PCDHGB6: variants seen among roughly 807,000 people sequenced by gnomAD.
The protein encoded by PCDHGB6 is protocadherin gamma subfamily B, 6.
In PCDHGB6, 51 loss-of-function variants were observed where a neutral mutation model predicts 59.1. The ratio of observed to expected loss-of-function variants is 0.86; its 90% CI spans 0.69 to 1.09. The LOEUF (loss-of-function observed/expected upper bound fraction) is 1.09. PCDHGB6 is among the 50% of genes least tolerant of loss of function. The probability of loss-of-function intolerance (pLI) is 0.00; values close to 1 mark genes in which losing one functional copy is unlikely to be tolerated. For synonymous variants in PCDHGB6, 466 were observed against 495.1 expected (o/e 0.94, Z 0.78); for missense variants, 1,148 against 1,205.1 (o/e 0.95, Z 0.70).
rs2099394923 is a variant in PCDHGB6 at position 141,476,611 on chromosome 5, A to G, written c.2419-18196A>G. On this transcript the variant is annotated intron_variant, in intron 1 of 3. Coordinates refer to ENST00000520790, the MANE Select transcript of PCDHGB6 (RefSeq NM_018926.3). The surrounding 1 kb of genome is among the most constrained non-coding windows in gnomAD (Gnocchi z 7.6). ...AGAGCGCGCACGATCCCGATGTGGG[A>G]AGCAACTCTTTACAAACCTATGAGC... 6.2e-7 allele frequency: 1 copy of G among 1,614,092 alleles called. No individual in the cohort carries two copies. Among genetic ancestry groups the G allele is most frequent in the Non-Finnish European group, 8.5e-7 (1 of 1,180,042 alleles).
rs368153419 is a variant in PCDHGB6 at position 141,476,458 on chromosome 5, C to T, written c.2419-18349C>T. 1 of 1,614,044 alleles carries T rather than the reference C, an allele frequency of 6.2e-7. No homozygotes were observed. Among genetic ancestry groups the T allele is most frequent in the Non-Finnish European group, 8.5e-7 (1 of 1,180,014 alleles). On this transcript the variant is annotated intron_variant, in intron 1 of 3. Coordinates refer to ENST00000520790, the MANE Select transcript of PCDHGB6 (RefSeq NM_018926.3). The surrounding 1 kb of genome is among the most constrained non-coding windows in gnomAD (Gnocchi z 7.6). ...TAACTCTGGAGTTGGTAGTGGAGAA[C>T]CCGCTGGAGCTGTTCAGCGTGGAAG...
chr5:141,430,830 G>C, intron 1 of PCDHGB6: 1 of 1,554,968 alleles, frequency 6.4e-7, no homozygotes, highest in Non-Finnish European at 8.7e-7. Context: ...GGGACTCTGT[G>C]GGAGACCGGA....
intron 1 of PCDHGB6, among the ~76,000 whole-genome samples, chr5:141,448,975 T>C (rs888432093): frequency 6.6e-6 from 1 of 151,970 alleles, no homozygotes; most frequent in African/African-American, 2.4e-5. Flanking sequence ...AAAAAAGAAC[T>C]TCCATATTAA....
Position 141,487,333 on chromosome 5 carries a change from C to T in PCDHGB6, c.2419-7474C>T. 6.2e-7 allele frequency: 1 copy of T among 1,614,176 alleles called. No homozygotes were observed. The highest frequency in any genetic ancestry group is 8.5e-7 in the Non-Finnish European group (1 of 1,180,022). On this transcript the variant is annotated intron_variant, in intron 1 of 3. Transcript: ENST00000520790. The surrounding 1 kb of genome is among the most constrained non-coding windows in gnomAD (Gnocchi z 5.0). ...TCTCTAAGTGTCTTCGTGGGGCAGC[C>T]TGTGGAGTCACATGCTTTCCTGCTG...
chr5:141,431,867 A>C lies in PCDHGB6; in HGVS notation c.2418+21247A>C. On this transcript the variant is annotated intron_variant, in intron 1 of 3. Transcript: ENST00000520790. The surrounding 1 kb of genome is among the most constrained non-coding windows in gnomAD (Gnocchi z 4.8). ...CAGAGGGACATTAATTGCCCTTTTA[A>C]ATGTAAATGACCAAGATTCTGAGGA... 6.2e-7 allele frequency: 1 copy of C among 1,614,226 alleles called. No individual in the cohort carries two copies. Among genetic ancestry groups the C allele is most frequent in the Non-Finnish European group, 8.5e-7 (1 of 1,180,024 alleles).
intron 1 of PCDHGB6, among the ~76,000 whole-genome samples, chr5:141,467,359 A>G (rs997614051): frequency 1.3e-5 from 2 of 151,714 alleles, no homozygotes; most frequent in African/African-American, 4.8e-5. Context: ...GGCCAAATCA[A>G]CGTTTTCTTA....
Position 141,416,159 on chromosome 5 carries a change from T to C in PCDHGB6, c.2418+5539T>C, listed in dbSNP as rs116406525. ...CTATACTTTGTGGTGATAGTTGCAG[T>C]TGAATATACTAAGTTTTTCATTAAT... On this transcript the variant is annotated intron_variant, in intron 1 of 3. Transcript: ENST00000520790. 1,471 of 153,024 alleles carry C rather than the reference T, an allele frequency of 9.6e-3. 10 individuals carry two copies. Among genetic ancestry groups the C allele is most frequent in the Non-Finnish European group, 0.015 (1,026 of 68,518 alleles). 9.5% of individuals were successfully genotyped at this position (153,024 alleles called of 1,614,324 possible).
rs752629281 is a variant in PCDHGB6, at chr5:141,408,968, C to T, written c.766C>T (p.Pro256Ser). The T allele has an allele frequency of 6.2e-7, 1 of 1,613,702 alleles. No individual in the cohort carries two copies. The highest frequency in any genetic ancestry group is 8.5e-7 in the Non-Finnish European group (1 of 1,179,802). The change falls in exon 1 of 4, where the codon CCC becomes TCC. Residue 256 changes from proline to serine, a missense_variant. Pro to Ser is a moderately conservative substitution (Grantham distance 74, BLOSUM62 -1). Coordinates refer to ENST00000520790, the MANE Select transcript of PCDHGB6 (RefSeq NM_018926.3). ...EYRISLSENL[P>S]PGSPVLQVTA... is the part of the protein sequence containing the mutation. ...TAGAATTAGTCTTAGTGAAAATCTGCCCCCTGGGTCCCCTGTGTTGCAAGT... is the reference window on the plus strand; with the variant it reads ...TAGAATTAGTCTTAGTGAAAATCTGTCCCCTGGGTCCCCTGTGTTGCAAGT...
chr5:141,474,628 A>C (rs1169097645), intron 1 of PCDHGB6, among the ~76,000 whole-genome samples: 1 of 152,234 alleles, frequency 6.6e-6, no homozygotes, highest in Non-Finnish European at 1.5e-5. Flanking sequence ...TCTCTTCCGG[A>C]AATATCCTAT....
In PCDHGB6 at chr5:141,432,218, A is replaced by T. The variant is rs570925415; in HGVS notation, c.2418+21598A>T. On this transcript the variant is annotated intron_variant, in intron 1 of 3. Transcript: ENST00000520790. This position sits in a 1 kb window ranked among gnomAD's most constrained non-coding sequence, Gnocchi z 6.0. Reference sequence around the variant, plus strand: ...CCCCGACTGTGAAGAGAACGCCCAGATCACTTATTCCCTGGCTGAGAACAC... The same window carrying T: ...CCCCGACTGTGAAGAGAACGCCCAGTTCACTTATTCCCTGGCTGAGAACAC... The T allele has an allele frequency of 6.2e-7, 1 of 1,614,148 alleles. No homozygotes were observed. The highest frequency in any genetic ancestry group is 1.3e-5 in the African/African-American group (1 of 75,030).
intron 1 of PCDHGB6, chr5:141,415,156 A>T: frequency 6.2e-7 from 1 of 1,613,798 alleles, no homozygotes. Flanking sequence ...TCTCTCCGCC[A>T]CTGTCACGCT....
intron 1 of PCDHGB6, chr5:141,478,188 C>T (rs770414950): frequency 4.3e-6 from 7 of 1,613,920 alleles, no homozygotes; most frequent in Non-Finnish European, 5.9e-6. Flanking sequence ...AAAAATCTCA[C>T]CTTTTATCTA....
In PCDHGB6 at chr5:141,491,832, C is replaced by A; in HGVS notation, c.2419-2975C>A. On this transcript the variant is annotated intron_variant, in intron 1 of 3. Coordinates refer to ENST00000520790, the MANE Select transcript of PCDHGB6 (RefSeq NM_018926.3). The surrounding 1 kb of genome is among the most constrained non-coding windows in gnomAD (Gnocchi z 6.9). ...GTCGCTGGCTGCGCTCCACCCGATT[C>A]TCGGGATCATTGGACCGTTTGCGCG... 6.8e-7 allele frequency: 1 copy of A among 1,474,424 alleles called. No individual in the cohort carries two copies. 91.3% of individuals were successfully genotyped at this position (1,474,424 alleles called of 1,614,324 possible).
Position 141,493,858 on chromosome 5 carries a change from C to A in PCDHGB6, c.2419-949C>A, listed in dbSNP as rs2099750481. Among the ~76,000 whole-genome samples, 1 of 152,184 alleles carries A rather than the reference C, an allele frequency of 6.6e-6. No homozygotes were observed. The highest frequency in any genetic ancestry group is 1.5e-5 in the Non-Finnish European group (1 of 68,030). On this transcript the variant is annotated intron_variant, in intron 1 of 3. Transcript: ENST00000520790. The surrounding 1 kb of genome is among the most constrained non-coding windows in gnomAD (Gnocchi z 4.3). ...AGTATGAGTATTAATTACCAGCCCA[C>A]CCCAGAACCAGTGAGGAGGTGGCTC...
intron 1 of PCDHGB6, chr5:141,423,251 A>T: frequency 6.2e-7 from 1 of 1,613,844 alleles, no homozygotes; most frequent in East Asian, 2.2e-5. Context: ...GTCCTGGCGG[A>T]CCTCGGCAGC....
rs757797019 is a variant in PCDHGB6 at position 141,487,064 on chromosome 5, G to A, written c.2419-7743G>A. On this transcript the variant is annotated intron_variant, in intron 1 of 3. Transcript: ENST00000520790. The surrounding 1 kb of genome is among the most constrained non-coding windows in gnomAD (Gnocchi z 5.0). The stretch of plus-strand genomic sequence containing the variant: ...TCGATATGCTGGGGAGGTGCGGACG[G>A]CTGTTCCTATCCCAGCTGACCTCCC... 6.2e-6 allele frequency: 10 copies of A among 1,614,006 alleles called. No individual in the cohort carries two copies.
intron 2 of PCDHGB6, among the ~76,000 whole-genome samples, chr5:141,500,182 A>T (rs1050067271): frequency 4.6e-5 from 6 of 131,718 alleles, no homozygotes; most frequent in African/African-American, 1.9e-4. Context: ...CTTCATTTTT[A>T]TTTTTATTTA....
At chr5:141,420,770 T>G (rs1485978181) in intron 1 of PCDHGB6, among the ~76,000 whole-genome samples, 1 of 152,202 alleles carries the variant, frequency 6.6e-6, no homozygotes, top group Non-Finnish European at 1.5e-5. Flanking sequence ...AGTTTTCAGC[T>G]CCAGTAATAT....
chr5:141,490,338 C>A lies in PCDHGB6; in HGVS notation c.2419-4469C>A, dbSNP rs1408559629. Reference sequence around the variant, plus strand: ...CTGTCCTAGAGAGCACACCAGTGGGCACAGTAGTGGGGTTGTTTAATGTGC... The same window carrying A: ...CTGTCCTAGAGAGCACACCAGTGGGAACAGTAGTGGGGTTGTTTAATGTGC... On this transcript the variant is annotated intron_variant, in intron 1 of 3. Coordinates refer to ENST00000520790, the MANE Select transcript of PCDHGB6 (RefSeq NM_018926.3). This position sits in a 1 kb window ranked among gnomAD's most constrained non-coding sequence, Gnocchi z 5.4. 6.2e-7 allele frequency: 1 copy of A among 1,614,184 alleles called. No homozygotes were observed. The highest frequency in any genetic ancestry group is 1.7e-5 in the Admixed American group (1 of 60,032).
Sources: gnomAD v4.1 joint callset for allele counts (sites outside exome capture counted in the v4.1 genomes callset) on GRCh38, gnomAD v4.1.1 for gene constraint, Gnocchi (gnomAD v3.1) non-coding constraint, MANE v1.5 for transcripts, NCBI Gene and HGNC (gene_info 2026-07-23, HGNC 2026-07-21) for gene names.